ATP9B: variants seen among roughly 807,000 people sequenced by gnomAD.
The protein encoded by ATP9B is probable phospholipid-transporting ATPase IIB.
In ATP9B, 110 loss-of-function variants were observed where a neutral mutation model predicts 146.1. The ratio of observed to expected loss-of-function variants is 0.75; its 90% CI spans 0.65 to 0.88. The LOEUF is 0.88. Ranked by LOEUF, ATP9B falls within the 40% of genes least tolerant of loss-of-function variation. ATP9B has a pLI of 0.00. For synonymous variants in ATP9B, 604 were observed against 569.7 expected, an observed-to-expected ratio of 1.06 and a Z score of -0.86; for missense variants, 1,499 against 1,496.4, an observed-to-expected ratio of 1.00 and a Z score of -0.03.
At chr18:79,347,163 C>T (rs1333497569) in intron 23 of ATP9B, among the ~76,000 whole-genome samples, 3 of 152,184 alleles carry the variant, frequency 2.0e-5, no homozygotes, top group Non-Finnish European at 2.9e-5. Context: ...GTTCATCTTC[C>T]GTGCCAGCTT....
At chr18:79,320,420 G>T (rs1437223436) in intron 15 of ATP9B, among the ~76,000 whole-genome samples, 2 of 152,230 alleles carry the variant, frequency 1.3e-5, no homozygotes, top group Non-Finnish European at 2.9e-5. Context: ...CTGGTGGAGA[G>T]TGATGGGGAG....
chr18:79,260,565 C>T (rs1286197090), intron 12 of ATP9B, among the ~76,000 whole-genome samples: 1 of 152,178 alleles, frequency 6.6e-6, no homozygotes, highest in Non-Finnish European at 1.5e-5. Context: ...TGTGGACTCT[C>T]AGGATATGCA....
chr18:79,259,682 C>G (rs2096120748), intron 12 of ATP9B, among the ~76,000 whole-genome samples: 1 of 152,184 alleles, frequency 6.6e-6, no homozygotes, highest in African/African-American at 2.4e-5. Flanking sequence ...CCCAAGTGCT[C>G]TGTGCAGTCA....
chr18:79,373,716 C>T (rs1390116555), intron 27 of ATP9B, among the ~76,000 whole-genome samples, 182 bp from the exon 28 acceptor site: 1 of 151,976 alleles, frequency 6.6e-6, no homozygotes, highest in Non-Finnish European at 1.5e-5. Context: ...GTCTGGAACT[C>T]ACGACCTGGT....
chr18:79,327,712 ATGGTTAGCGTGCTCGCCG>A (rs2096762794), intron 15 of ATP9B, among the ~76,000 whole-genome samples: 10 of 47,696 alleles, frequency 2.1e-4, no homozygotes, highest in African/African-American at 8.4e-4. Flanking sequence ...TGCTCTCTCC[ATGGTTAGCGTGCTCGCCG>A]TGGTTAGCGT....
At chr18:79,299,049 T>A (rs562078863) in intron 13 of ATP9B, among the ~76,000 whole-genome samples, 1 of 152,324 alleles carries the variant, frequency 6.6e-6, no homozygotes, top group Admixed American at 6.5e-5. Flanking sequence ...TGCATTTGCC[T>A]CTTCCTTTCT....
At chr18:79,206,704 G>A (rs532406054) in intron 9 of ATP9B, among the ~76,000 whole-genome samples, 26 of 152,172 alleles carry the variant, frequency 1.7e-4, no homozygotes, top group Admixed American at 2.0e-4. Flanking sequence ...GAATTATTTC[G>A]TTTGTGTATT....
At chr18:79,183,557 A>G (rs536245515) in intron 8 of ATP9B, among the ~76,000 whole-genome samples, 7 of 152,184 alleles carry the variant, frequency 4.6e-5, no homozygotes, top group East Asian at 1.9e-4. Context: ...TTATTTTCCA[A>G]TGTTTCTAAA....
intron 17 of ATP9B, chr18:79,332,775 T>C (rs1207572887): frequency 6.6e-6 from 1 of 152,248 alleles, no homozygotes; most frequent in Non-Finnish European, 1.5e-5. Context: ...CTTGCCTTTG[T>C]AATTCACAGT....
chr18:79,174,022 C>T (rs922611388), intron 7 of ATP9B: 26 of 324,180 alleles, frequency 8.0e-5, no homozygotes, highest in East Asian at 1.7e-4. Context: ...TCTTGATACC[C>T]GAGGAATTGA....
chr18:79,331,252 G>A (rs576038231), intron 17 of ATP9B, among the ~76,000 whole-genome samples: 11 of 152,252 alleles, frequency 7.2e-5, no homozygotes, highest in Middle Eastern at 3.4e-3. Context: ...TGTTCGCAAC[G>A]GTAGTGGCAA....
chr18:79,078,705 A>C (rs896752987), intron 1 of ATP9B, among the ~76,000 whole-genome samples: 1 of 151,184 alleles, frequency 6.6e-6, no homozygotes, highest in Non-Finnish European at 1.5e-5. Flanking sequence ...ATACTTGTGC[A>C]GAATGTGCAG....
Position 79,374,011 on chromosome 18 carries a change from G to A in ATP9B, c.3184G>A (p.Val1062Ile), listed in dbSNP as rs147969611. ...LTELLMVALT[V>I]RTWHWLMVVA... ...CGAGCTGCTGATGGTGGCGCTGACCGTCCGCACGTGGCACTGGCTGATGGT... is the reference window on the plus strand; with the variant it reads ...CGAGCTGCTGATGGTGGCGCTGACCATCCGCACGTGGCACTGGCTGATGGT... The change falls in exon 28 of 30, where the codon GTC becomes ATC. Residue 1062 changes from valine to isoleucine, a missense_variant. Physicochemically the swap from Val to Ile is conservative, Grantham distance 29. Coordinates refer to ENST00000426216, the MANE Select transcript of ATP9B (RefSeq NM_198531.5). 82 of 1,614,052 alleles carry A rather than the reference G, an allele frequency of 5.1e-5. 1 individual carries two copies. The highest frequency in any genetic ancestry group is 2.7e-4 in the African/African-American group (20 of 74,920).
rs115687026 is a variant in ATP9B, at chr18:79,252,271, C to G, written c.1108-1110C>G. Among the ~76,000 whole-genome samples, 701 of 152,328 alleles carry G rather than the reference C, an allele frequency of 4.6e-3. 7 individuals carry two copies. The highest frequency in any genetic ancestry group is 0.016 in the African/African-American group (680 of 41,570). On this transcript the variant is annotated intron_variant, in intron 11 of 29. Transcript: ENST00000426216. ...CTGTAAGGAAAACATCCCAGAATCC[C>G]TATTTTACAGATAAGAAAACCAAAG...
intron 11 of ATP9B, among the ~76,000 whole-genome samples, chr18:79,229,297 G>A (rs576175151): frequency 1.3e-5 from 2 of 152,312 alleles, no homozygotes; most frequent in Admixed American, 1.3e-4. Flanking sequence ...CTGTGGAAAT[G>A]AGCAGCTTGT....
intron 8 of ATP9B, among the ~76,000 whole-genome samples, chr18:79,179,766 CTATTGCCTGGATGTTCTGT>C (rs980836095): frequency 2.0e-5 from 3 of 152,134 alleles, no homozygotes; most frequent in African/African-American, 7.2e-5. Flanking sequence ...GTTTGTTCTG[CTATTGCCTGGATGTTCTGT>C]AAATGTTCAT....
At chr18:79,140,630 A>T (rs1460889326) in intron 5 of ATP9B, among the ~76,000 whole-genome samples, 2 of 152,126 alleles carry the variant, frequency 1.3e-5, no homozygotes, top group South Asian at 2.1e-4. Flanking sequence ...CAAAAAAAAA[A>T]ATTAGCCGGG....
At chr18:79,221,549 C>A (rs1343686285) in intron 11 of ATP9B, among the ~76,000 whole-genome samples, 3 of 152,070 alleles carry the variant, frequency 2.0e-5, no homozygotes, top group African/African-American at 7.2e-5. Flanking sequence ...GGCAAAATGC[C>A]CTCTTTACAA....
Position 79,336,642 on chromosome 18 carries a change from T to A in ATP9B, c.2043T>A (p.Ala681=), listed in dbSNP as rs2096828739. Reference sequence around the variant, plus strand: ...TCCTTTTCCAGTGCGGAAACATGGCTCGCGAAGGACTGCGGACCCTCGTGG... The same window carrying A: ...TCCTTTTCCAGTGCGGAAACATGGCACGCGAAGGACTGCGGACCCTCGTGG... The part of the protein sequence containing the change: ...DWLEEECGNM[A]REGLRTLVVA... The change falls in exon 18 of 30, where the codon GCT becomes GCA. Residue 681 remains alanine, a synonymous_variant. Transcript: ENST00000426216. The A allele has an allele frequency of 3.1e-6, 5 of 1,610,826 alleles. No individual in the cohort carries two copies. The East Asian group carries it at 1.1e-4, about 36-fold the overall frequency.
Sources: gnomAD v4.1 joint callset for allele counts (sites outside exome capture counted in the v4.1 genomes callset) on GRCh38, gnomAD v4.1.1 for gene constraint, MANE v1.5 for transcripts, NCBI Gene and HGNC (gene_info 2026-07-23, HGNC 2026-07-21) for gene names.